Variants in PARD3B observed in about 807,000 individuals in gnomAD.
PARD3B encodes par-3 family cell polarity regulator beta.
Under a neutral mutation model 130.2 loss-of-function variants are expected in PARD3B, and 103 were observed. That is an observed-to-expected ratio of 0.79 (90% CI 0.67 to 0.93). The LOEUF is 0.93. PARD3B is among the 40% of genes least tolerant of loss of function. The pLI is 0.00. For synonymous variants in PARD3B, 583 were observed against 553.2 expected, an observed-to-expected ratio of 1.05 and a Z score of -0.76; for missense variants, 1,609 against 1,499.2, an observed-to-expected ratio of 1.07 and a Z score of -1.21.
rs757916003 is a variant in PARD3B at position 205,449,166 on chromosome 2, CAA to C, written c.3044+8514_3044+8515del. On this transcript the variant is annotated intron_variant, in intron 20 of 22. Transcript: ENST00000406610. ...GGGCAACAAGAGCGAAACTCCATCT[CAA>C]AAAAAAAAAAAAAAAAAAAGTGTGG... Among the ~76,000 whole-genome samples, 47 of 50,216 alleles carry C rather than the reference CAA, an allele frequency of 9.4e-4. 1 individual carries two copies. The highest frequency in any genetic ancestry group is 2.6e-3 in the Admixed American group (12 of 4,648). 32.9% of individuals were successfully genotyped at this position (50,216 alleles called of 152,430 possible).
intron 1 of PARD3B, among the ~76,000 whole-genome samples, chr2:204,609,772 CTCTCA>C (rs982990916): frequency 2.5e-4 from 38 of 152,118 alleles, no homozygotes; most frequent in African/African-American, 9.2e-4. Flanking sequence ...AGGTGTCAGA[CTCTCA>C]TCTAATCTCT....
rs562387011 is a variant in PARD3B, at chr2:204,575,133, A to G, written c.120+29014A>G. 4.6e-5 allele frequency among the ~76,000 whole-genome samples: 7 copies of G among 152,320 alleles called. No individual in the cohort carries two copies. The South Asian group carries it at 1.4e-3, about 32-fold the overall frequency. On this transcript the variant is annotated intron_variant, in intron 1 of 22. Coordinates refer to ENST00000406610, the MANE Select transcript of PARD3B (RefSeq NM_001302769.2). ...CTTGGTTTTGAGTTGTCTACCAAAT[A>G]TAACTTAACCTAAGACAGTAATATA...
intron 4 of PARD3B, among the ~76,000 whole-genome samples, chr2:205,092,299 A>G (rs757778579): frequency 1.3e-5 from 2 of 152,170 alleles, no homozygotes; most frequent in African/African-American, 4.8e-5. Context: ...AGGAAACAGG[A>G]AATTCTTATC....
intron 2 of PARD3B, among the ~76,000 whole-genome samples, chr2:204,852,058 C>A (rs115812068): frequency 6.6e-5 from 10 of 152,120 alleles, no homozygotes; most frequent in Non-Finnish European, 1.5e-4. Flanking sequence ...CACTACAACT[C>A]CCACAGAGTG....
chr2:204,627,105 C>T (rs928992373), intron 1 of PARD3B, among the ~76,000 whole-genome samples: 1 of 152,100 alleles, frequency 6.6e-6, no homozygotes, highest in Admixed American at 6.6e-5. Flanking sequence ...TTTCCTGCCA[C>T]CTTGTGAAAA....
chr2:205,036,216 A>AT lies in PARD3B; in HGVS notation c.395-11365_395-11364insT, dbSNP rs563044080. Among the ~76,000 whole-genome samples, 438 of 143,832 alleles carry AT rather than the reference A, an allele frequency of 3.0e-3. 3 individuals are homozygous for AT. The highest frequency in any genetic ancestry group is 9.9e-3 in the African/African-American group (393 of 39,740). The allele number at this position is 143,832 out of a possible 152,430, so 94.4% of individuals were successfully genotyped here. On this transcript the variant is annotated intron_variant, in intron 3 of 22. Coordinates refer to ENST00000406610, the MANE Select transcript of PARD3B (RefSeq NM_001302769.2). ...AGTATATAGTGGACTATATATATAA[A>AT]ATATGTATATAGTGGGCTATATATA...
chr2:205,540,257 G>A (rs1050825343), intron 21 of PARD3B, among the ~76,000 whole-genome samples: 1 of 151,958 alleles, frequency 6.6e-6, no homozygotes, highest in African/African-American at 2.4e-5. Flanking sequence ...TGAATTGGCA[G>A]GTTTGAGGTT....
rs748739466 is a variant in PARD3B, at chr2:205,352,895, C to A, written c.2631-48118C>A. Among the ~76,000 whole-genome samples, 1 of 152,164 alleles carries A rather than the reference C, an allele frequency of 6.6e-6. No homozygotes were observed. The highest frequency in any genetic ancestry group is 1.5e-5 in the Non-Finnish European group (1 of 68,040). On this transcript the variant is annotated intron_variant, in intron 18 of 22. Transcript: ENST00000406610. This position sits in a 1 kb window ranked among gnomAD's most constrained non-coding sequence, Gnocchi z 5.2. ...ATTATATTAGGAAAGAATAACCCCC[C>A]ACCAGTGGCCACATCATATGGAGAA...
At chr2:204,592,332 T>G (rs1002892821) in intron 1 of PARD3B, among the ~76,000 whole-genome samples, 1 of 152,256 alleles carries the variant, frequency 6.6e-6, no homozygotes, top group Admixed American at 6.5e-5. Context: ...ACATGTGAGC[T>G]TATTTAACCC....
At chr2:204,752,417 C>T (rs1368674521) in intron 2 of PARD3B, among the ~76,000 whole-genome samples, 1 of 152,150 alleles carries the variant, frequency 6.6e-6, no homozygotes, top group African/African-American at 2.4e-5. Flanking sequence ...ATTGATTCAG[C>T]ATCATACAAG....
rs2045352311 is a variant in PARD3B at position 205,380,729 on chromosome 2, AAAG to A, written c.2631-20281_2631-20279del. On this transcript the variant is annotated intron_variant, in intron 18 of 22. Transcript: ENST00000406610. ...AATATACATTATATATACTATATAT[AAAG>A]AATATACATTATATATACTATATAT... Among the ~76,000 whole-genome samples, 6 of 102,592 alleles carry A rather than the reference AAAG, an allele frequency of 5.8e-5. No homozygotes were observed. The South Asian group carries it at 2.1e-3, about 35-fold the overall frequency. 67.3% of individuals were successfully genotyped at this position (102,592 alleles called of 152,430 possible).
At chr2:205,514,316 C>T (rs930668210) in intron 21 of PARD3B, among the ~76,000 whole-genome samples, 1 of 152,052 alleles carries the variant, frequency 6.6e-6, no homozygotes, top group Non-Finnish European at 1.5e-5. Context: ...ACATCCAATG[C>T]AGGAACACAC....
At chr2:204,621,907 G>T (rs1277645243) in intron 1 of PARD3B, among the ~76,000 whole-genome samples, 1 of 152,170 alleles carries the variant, frequency 6.6e-6, no homozygotes, top group Non-Finnish European at 1.5e-5. Context: ...GAAAGTATCA[G>T]TTTGTACAAT....
At position 205,104,464 on chromosome 2, in the gene PARD3B, T is replaced by C; in HGVS notation, c.543T>C (p.Asn181=). ...TQNLEDREVL[N]GVQTELLTSP... is the part of the protein sequence containing the mutation. Reference sequence around the variant, plus strand: ...ACTTGGAAGACAGAGAAGTTTTGAATGGTGTACAGACAGAACTACTAACTT... The same window carrying C: ...ACTTGGAAGACAGAGAAGTTTTGAACGGTGTACAGACAGAACTACTAACTT... The change falls in exon 5 of 23, where the codon AAT becomes AAC. Residue 181 remains asparagine, a synonymous_variant. Coordinates refer to ENST00000406610, the MANE Select transcript of PARD3B (RefSeq NM_001302769.2). 1.2e-6 allele frequency: 2 copies of C among 1,603,590 alleles called. No individual in the cohort carries two copies. The highest frequency in any genetic ancestry group is 1.7e-6 in the Non-Finnish European group (2 of 1,170,596).
intron 2 of PARD3B, among the ~76,000 whole-genome samples, chr2:204,690,663 A>G (rs759802232): frequency 4.6e-5 from 7 of 152,142 alleles, no homozygotes; most frequent in Non-Finnish European, 1.0e-4. Flanking sequence ...ATTTTAGCCC[A>G]GTGAGACTTG....
chr2:205,197,032 G>GGGGTGTGTGTGT (rs1553636919), intron 15 of PARD3B, among the ~76,000 whole-genome samples: 1 of 55,260 alleles, frequency 1.8e-5, no homozygotes, highest in Non-Finnish European at 3.2e-5. Context: ...GTGGGGGGGG[G>GGGGTGTGTGTGT]GTGTGTGTGT....
rs1014768231 is a variant in PARD3B at position 205,572,090 on chromosome 2, T to A, written c.3260+18687T>A. 9.9e-5 allele frequency among the ~76,000 whole-genome samples: 15 copies of A among 152,182 alleles called. No individual in the cohort carries two copies. Among genetic ancestry groups the A allele is most frequent in the Non-Finnish European group, 1.9e-4 (13 of 68,026 alleles). On this transcript the variant is annotated intron_variant, in intron 22 of 22. Transcript: ENST00000406610. This position sits in a 1 kb window ranked among gnomAD's most constrained non-coding sequence, Gnocchi z 4.2. ...TGAAGGTAGAGAGTTGAGTCTTCAT[T>A]TATTGATTCATTCATTCAGTAAACT...
At chr2:205,061,093 G>A (rs1575674165) in intron 4 of PARD3B, among the ~76,000 whole-genome samples, 1 of 152,142 alleles carries the variant, frequency 6.6e-6, no homozygotes, top group South Asian at 2.1e-4. Flanking sequence ...CTTACTGGAA[G>A]CTGGGCACCA....
At chr2:204,858,569 G>A (rs985059477) in intron 2 of PARD3B, among the ~76,000 whole-genome samples, 1 of 150,926 alleles carries the variant, frequency 6.6e-6, no homozygotes, top group Admixed American at 6.6e-5. Flanking sequence ...GTTGGGGTAG[G>A]GGAGGAAATA....
Sources: gnomAD v4.1 joint callset for allele counts (sites outside exome capture counted in the v4.1 genomes callset) on GRCh38, gnomAD v4.1.1 for gene constraint, Gnocchi (gnomAD v3.1) non-coding constraint, MANE v1.5 for transcripts, NCBI Gene and HGNC (gene_info 2026-07-23, HGNC 2026-07-21) for gene names.